Variants in PRORP observed in about 807,000 individuals in gnomAD.
The protein encoded by PRORP is mitochondrial ribonuclease P catalytic subunit.
In PRORP, 51 loss-of-function variants were observed where a neutral mutation model predicts 59.4. That is an observed-to-expected ratio of 0.86 (90% confidence interval 0.69 to 1.08). PRORP has a LOEUF of 1.08. Ranked by LOEUF, PRORP falls within the 50% of genes least tolerant of loss-of-function variation. The pLI, the probability that PRORP is intolerant of heterozygous loss-of-function variation, is 0.00. For synonymous variants in PRORP, 231 were observed against 245.6 expected, an observed-to-expected ratio of 0.94 and a Z score of 0.55; for missense variants, 646 against 690.3, an observed-to-expected ratio of 0.94 and a Z score of 0.72.
intron 4 of PRORP, among the ~76,000 whole-genome samples, chr14:35,130,427 A>C (rs2047210840): frequency 6.6e-6 from 1 of 151,786 alleles, no homozygotes; most frequent in Non-Finnish European, 1.5e-5. Flanking sequence ...TGTACTTATT[A>C]TTAACAGTGA....
chr14:35,202,653 A>C (rs1294312780), intron 5 of PRORP, among the ~76,000 whole-genome samples: 1 of 152,090 alleles, frequency 6.6e-6, no homozygotes, highest in Non-Finnish European at 1.5e-5. Context: ...TTTTAGAGAC[A>C]GGGCCTCCTT....
intron 4 of PRORP, among the ~76,000 whole-genome samples, chr14:35,172,425 C>CTTCCTTCT: frequency 1.7e-5 from 1 of 60,508 alleles, no homozygotes; most frequent in African/African-American, 5.2e-5. Context: ...TCCTTCCTTC[C>CTTCCTTCT]TTCCTTCCTT....
chr14:35,185,938 A>ATAC (rs2048728979), intron 5 of PRORP, among the ~76,000 whole-genome samples: 1 of 152,238 alleles, frequency 6.6e-6, no homozygotes, highest in African/African-American at 2.4e-5. Flanking sequence ...CTGAAATAGT[A>ATAC]TACTTTTTTG....
chr14:35,273,071 T>G (rs1282471084), intron 7 of PRORP, among the ~76,000 whole-genome samples: 1 of 152,216 alleles, frequency 6.6e-6, no homozygotes, highest in Non-Finnish European at 1.5e-5. Context: ...TTTTCATATA[T>G]TTTCAATCTG....
intron 5 of PRORP, among the ~76,000 whole-genome samples, chr14:35,192,424 G>A (rs1279161353): frequency 6.6e-6 from 1 of 152,184 alleles, no homozygotes; most frequent in Non-Finnish European, 1.5e-5. Context: ...ACATGGCAAT[G>A]CAAAACTGTC....
At chr14:35,269,359 G>A (rs533276033) in intron 6 of PRORP, among the ~76,000 whole-genome samples, 123 of 152,290 alleles carry the variant, frequency 8.1e-4, no homozygotes, top group African/African-American at 2.7e-3. Context: ...TTGGAAAGTG[G>A]TCTCACTGCT....
At chr14:35,246,205 G>A (rs7159390) in intron 5 of PRORP, among the ~76,000 whole-genome samples, 81,344 of 151,928 alleles carry the variant, frequency 0.54, 23,435 homozygotes, top group East Asian at 0.75. Context: ...TCATTGAGTT[G>A]AACACGCAGA....
intron 6 of PRORP, among the ~76,000 whole-genome samples, chr14:35,267,689 G>A (rs1183616143): frequency 6.6e-6 from 1 of 152,048 alleles, no homozygotes; most frequent in Admixed American, 6.6e-5. Flanking sequence ...GCTGAGGCAG[G>A]AGAATGGCGT....
intron 5 of PRORP, among the ~76,000 whole-genome samples, chr14:35,217,216 C>G (rs2049622864): frequency 1.3e-5 from 2 of 151,960 alleles, no homozygotes; most frequent in African/African-American, 2.4e-5. Flanking sequence ...AAACCATTGT[C>G]TAGGGTGGGC....
At chr14:35,199,902 C>G (rs957091573) in intron 5 of PRORP, among the ~76,000 whole-genome samples, 3 of 152,174 alleles carry the variant, frequency 2.0e-5, no homozygotes, top group Non-Finnish European at 4.4e-5. Flanking sequence ...TAATAGGTCT[C>G]TCTTTCTCCA....
intron 5 of PRORP, among the ~76,000 whole-genome samples, chr14:35,266,468 T>C (rs2138659150): frequency 6.6e-6 from 1 of 152,162 alleles, no homozygotes; most frequent in South Asian, 2.1e-4. Flanking sequence ...GACAGCAGAA[T>C]GAGATCCTGT....
intron 5 of PRORP, chr14:35,222,576 C>A (rs1331662229): frequency 1.3e-5 from 2 of 152,214 alleles, no homozygotes; most frequent in Non-Finnish European, 2.9e-5. Context: ...AAGGTCCACA[C>A]AGATAACTCT....
At chr14:35,153,376 G>C (rs553923558) in intron 4 of PRORP, among the ~76,000 whole-genome samples, 15 of 146,962 alleles carry the variant, frequency 1.0e-4, no homozygotes, top group Admixed American at 1.4e-4. Flanking sequence ...AGAGGGAGAC[G>C]GTGGAAAGAG....
At chr14:35,173,982 T>G (rs990970206) in intron 4 of PRORP, among the ~76,000 whole-genome samples, 17 of 152,200 alleles carry the variant, frequency 1.1e-4, no homozygotes, top group African/African-American at 4.1e-4. Flanking sequence ...AACGTCTACT[T>G]GGGCATTCTC....
At chr14:35,164,406 A>T (rs1362321404) in intron 4 of PRORP, among the ~76,000 whole-genome samples, 1 of 152,226 alleles carries the variant, frequency 6.6e-6, no homozygotes, top group Non-Finnish European at 1.5e-5. Flanking sequence ...TCAGTGGTGG[A>T]CTGGATAAAG....
chr14:35,131,935 GT>G (rs1291320468), intron 4 of PRORP, among the ~76,000 whole-genome samples: 6 of 151,386 alleles, frequency 4.0e-5, no homozygotes, highest in African/African-American at 1.5e-4. Context: ...CGCCTCCCAG[GT>G]TCAAGTGATT....
chr14:35,167,816 A>C (rs1433404818), intron 4 of PRORP, among the ~76,000 whole-genome samples: 1 of 152,196 alleles, frequency 6.6e-6, no homozygotes, highest in South Asian at 2.1e-4. Flanking sequence ...TTTCTCACTT[A>C]ATGTCCTACT....
At chr14:35,270,760 G>A (rs1037961213) in intron 7 of PRORP, among the ~76,000 whole-genome samples, 164 bp downstream of exon 7, 1 of 152,114 alleles carries the variant, frequency 6.6e-6, no homozygotes, top group Non-Finnish European at 1.5e-5. Flanking sequence ...GAGTCTGCTA[G>A]AGTTTTCATA....
intron 5 of PRORP, among the ~76,000 whole-genome samples, chr14:35,246,938 G>C (rs528452423): frequency 6.6e-6 from 1 of 152,110 alleles, no homozygotes; most frequent in African/African-American, 2.4e-5. Context: ...TCCCGATTGC[G>C]TAGTAATAGC....
Sources: allele counts gnomAD v4.1 joint callset (sites outside exome capture counted in the v4.1 genomes callset), GRCh38; gene constraint gnomAD v4.1.1; transcripts MANE v1.5; gene names NCBI Gene and HGNC (gene_info 2026-07-23, HGNC 2026-07-21).